LRRC27: variants seen among roughly 807,000 people sequenced by gnomAD.
LRRC27 encodes leucine rich repeat containing 27.
LRRC27 carries 57 observed loss-of-function variants against 55.0 expected under a neutral mutation model. That is an observed-to-expected ratio of 1.04 (90% confidence interval 0.84 to 1.29). LRRC27 has a LOEUF of 1.29. Ranked by LOEUF, LRRC27 falls within the 50% of genes most tolerant of loss-of-function variation. The pLI, the probability that LRRC27 is intolerant of heterozygous loss-of-function variation, is 0.00. For synonymous variants in LRRC27, 278 were observed against 251.9 expected (o/e 1.10, Z -0.98); for missense variants, 721 against 651.5 (o/e 1.11, Z -1.16).
intron 7 of LRRC27, among the ~76,000 whole-genome samples, chr10:132,353,713 G>C (rs2068175195): frequency 6.6e-6 from 1 of 152,174 alleles, no homozygotes; most frequent in African/African-American, 2.4e-5. Flanking sequence ...ACAGCTGCTG[G>C]GGCCCAGGGA....
intron 8 of LRRC27, among the ~76,000 whole-genome samples, chr10:132,359,923 G>C (rs968674940): frequency 3.3e-5 from 5 of 152,186 alleles, no homozygotes; most frequent in Non-Finnish European, 1.5e-5. Context: ...CGGTGTGTTC[G>C]TGTTTATATT....
chr10:132,331,322 AAT>A, upstream of LRRC27: 1 of 1,049,300 alleles, frequency 9.5e-7, no homozygotes, highest in Admixed American at 2.8e-5. Flanking sequence ...TGGATCCTGG[AAT>A]GAAGGTGCAC....
intron 10 of LRRC27, among the ~76,000 whole-genome samples, chr10:132,365,785 G>T (rs1335892623): frequency 6.6e-6 from 1 of 152,198 alleles, no homozygotes; most frequent in Non-Finnish European, 1.5e-5. Context: ...TTTTAATAGA[G>T]ATAGGGTTTT....
At chr10:132,358,583 G>C (rs761283589) in intron 8 of LRRC27, among the ~76,000 whole-genome samples, 1,763 of 66,488 alleles carry the variant, frequency 0.027, 454 homozygotes, top group East Asian at 0.1. Context: ...AGGAGCCGAG[G>C]TGGTGGAGCA....
intron 7 of LRRC27, among the ~76,000 whole-genome samples, chr10:132,354,765 G>A (rs924451248): frequency 1.3e-5 from 2 of 152,190 alleles, no homozygotes; most frequent in South Asian, 2.1e-4. Context: ...AGGAAAACCC[G>A]GCCTGGGGCC....
chr10:132,343,847 C>G (rs975954728), intron 4 of LRRC27, among the ~76,000 whole-genome samples: 3 of 152,238 alleles, frequency 2.0e-5, no homozygotes, highest in Admixed American at 1.3e-4. Context: ...CTCCTCATTC[C>G]GGGGACTTCG....
At chr10:132,336,027 G>A (rs2067113273) in intron 2 of LRRC27, among the ~76,000 whole-genome samples, 1 of 152,158 alleles carries the variant, frequency 6.6e-6, no homozygotes. Context: ...GCCAATTCAA[G>A]GCACTTTGTC....
At chr10:132,333,088 GC>G (rs1242187963) in intron 1 of LRRC27, among the ~76,000 whole-genome samples, 1 of 152,156 alleles carries the variant, frequency 6.6e-6, no homozygotes, top group African/African-American at 2.4e-5. Context: ...AGTTCAAATG[GC>G]ACAGAACCAC....
At chr10:132,360,807 C>T (rs528354219) in intron 8 of LRRC27, among the ~76,000 whole-genome samples, 6 of 152,308 alleles carry the variant, frequency 3.9e-5, no homozygotes, top group Middle Eastern at 3.4e-3. Context: ...CACTCTGTTG[C>T]CAGGGTTCCC....
At chr10:132,352,579 C>T (rs1295879999) in intron 7 of LRRC27, among the ~76,000 whole-genome samples, 5 of 85,492 alleles carry the variant, frequency 5.8e-5, no homozygotes, top group Non-Finnish European at 9.6e-5. Context: ...CTGAGGCCTC[C>T]GTGTGGGGCA....
Position 132,355,904 on chromosome 10 carries a change from G to A in LRRC27, c.1170+18G>A, listed in dbSNP as rs377635355. ...GGAGCATGGTACGGCACGCGCGGGC[G>A]GTGACCGGGCACTAGTCCAGTCCCG... On this transcript the variant is annotated intron_variant, in intron 8 of 10. Transcript: ENST00000368614. 58 of 1,532,176 alleles carry A rather than the reference G, an allele frequency of 3.8e-5. No individual in the cohort carries two copies. In the Middle Eastern group the frequency reaches 5.1e-4, roughly 13 times the overall value. 94.9% of individuals were successfully genotyped at this position (1,532,176 alleles called of 1,614,324 possible). A position where few individuals can be genotyped will look rare whatever the true frequency, so the allele number is the denominator to read the frequency against.
intron 9 of LRRC27, among the ~76,000 whole-genome samples, chr10:132,364,729 C>G (rs570028408): frequency 9.5e-6 from 1 of 105,804 alleles, no homozygotes; most frequent in African/African-American, 4.0e-5. Flanking sequence ...TCCGCGTCCA[C>G]ACTTACATCT....
intron 5 of LRRC27, among the ~76,000 whole-genome samples, chr10:132,347,072 T>C (rs2748388): frequency 0.41 from 63,013 of 152,130 alleles, 13,421 homozygotes; most frequent in African/African-American, 0.49. Context: ...GGAGTGCCTC[T>C]CTGAGGTCGT....
At chr10:132,330,197 C>A (rs989908711), upstream of LRRC27, 5 of 500,196 alleles carry the variant, frequency 1.0e-5, no homozygotes, top group Middle Eastern at 5.5e-4. Flanking sequence ...CTCGTACATA[C>A]AATTAACTAC....
rs756804249 is a variant in LRRC27, at chr10:132,351,697, A to G, written c.1017A>G (p.Arg339=). ...AIRAKRLEES[R]AAALRELQEK... is the part of the protein sequence containing the mutation. The stretch of plus-strand genomic sequence containing the variant: ...GAGCAAAAAGACTGGAAGAGAGCCG[A>G]GCGGCGGCGCTCCGAGAGCTCCAGG... Residue 339 remains arginine (R), a synonymous_variant, in exon 7 of 11, where the codon CGA becomes CGG. Coordinates refer to ENST00000368614, the MANE Select transcript of LRRC27 (RefSeq NM_030626.3). The G allele has an allele frequency of 6.2e-7, 1 of 1,613,748 alleles. No individual in the cohort carries two copies. The highest frequency in any genetic ancestry group is 1.3e-5 in the African/African-American group (1 of 74,922).
intron 10 of LRRC27, among the ~76,000 whole-genome samples, chr10:132,369,512 G>A (rs2069167961): frequency 6.6e-6 from 1 of 152,250 alleles, no homozygotes; most frequent in Admixed American, 6.5e-5. Flanking sequence ...GATGGAGATG[G>A]TGAAAGGATC....
intron 9 of LRRC27, among the ~76,000 whole-genome samples, chr10:132,362,802 G>T (rs2068696869): frequency 6.9e-6 from 1 of 145,670 alleles, no homozygotes; most frequent in Admixed American, 6.8e-5. Flanking sequence ...CAGCTGCTTG[G>T]GGGTCCGGGG....
In LRRC27 at chr10:132,342,423, AG is replaced by A. The variant is rs2067458313; in HGVS notation, c.400+153del. The A allele has an allele frequency of 1.0e-5, 6 of 600,116 alleles. No individual in the cohort carries two copies. In the East Asian group the frequency reaches 1.4e-4, roughly 14 times the overall value. 37.2% of individuals were successfully genotyped at this position (600,116 alleles called of 1,614,324 possible). ...TAGGACCAAGATAATGTAGCTCTCA[AG>A]AACTGTTGATATAGCACGTACTGTT... On this transcript the variant is annotated intron_variant, in intron 4 of 10. Coordinates refer to ENST00000368614, the MANE Select transcript of LRRC27 (RefSeq NM_030626.3).
rs1052227344 is a variant in LRRC27, at chr10:132,351,496, G to A, written c.927-111G>A. On this transcript the variant is annotated intron_variant, in intron 6 of 10. Coordinates refer to ENST00000368614, the MANE Select transcript of LRRC27 (RefSeq NM_030626.3). ...ACTGCAGCTTCTAGTCGTGCTAATT[G>A]TTCAGATGAGCGGATGATCCACAGG... 9 of 1,228,826 alleles carry A rather than the reference G, an allele frequency of 7.3e-6. No individual in the cohort carries two copies. In the African/African-American group the frequency reaches 1.2e-4, roughly 16 times the overall value. The allele number at this position is 1,228,826 out of a possible 1,614,324, so 76.1% of individuals were successfully genotyped here. A position where few individuals can be genotyped will look rare whatever the true frequency, so the allele number is the denominator to read the frequency against.
Sources: gnomAD v4.1 joint callset for allele counts (sites outside exome capture counted in the v4.1 genomes callset) on GRCh38, gnomAD v4.1.1 for gene constraint, MANE v1.5 for transcripts, NCBI Gene and HGNC (gene_info 2026-07-23, HGNC 2026-07-21) for gene names.